Variants in HMBOX1 observed in about 807,000 individuals in gnomAD.
HMBOX1 encodes homeobox-containing protein 1.
A neutral mutation model predicts 54.5 loss-of-function variants in HMBOX1; 14 were observed. The ratio of observed to expected loss-of-function variants is 0.26; its 90% CI spans 0.17 to 0.40. The LOEUF (loss-of-function observed/expected upper bound fraction) is 0.40. Among genes scored for constraint, HMBOX1 ranks in the 10% least tolerant of loss-of-function variants. The pLI is 1.00. For missense variants in HMBOX1, 332 were observed against 514.4 expected (o/e 0.65, Z 3.43); for synonymous variants, 160 against 181.0 (o/e 0.88, Z 0.93).
At chr8:28,953,846 G>T (rs1439418906) in intron 1 of HMBOX1, among the ~76,000 whole-genome samples, 1 of 152,070 alleles carries the variant, frequency 6.6e-6, no homozygotes, top group African/African-American at 2.4e-5. Context: ...TTACATGTTT[G>T]CAAATTTTCA....
At chr8:28,999,149 A>C (rs1311620308) in intron 4 of HMBOX1, among the ~76,000 whole-genome samples, 1 of 152,148 alleles carries the variant, frequency 6.6e-6, no homozygotes, top group Non-Finnish European at 1.5e-5. Context: ...ACCTGCCTTT[A>C]GTATTTCTTA....
At chr8:28,955,309 G>A (rs1490562725) in intron 1 of HMBOX1, among the ~76,000 whole-genome samples, 5 of 150,540 alleles carry the variant, frequency 3.3e-5, no homozygotes, top group East Asian at 2.0e-4. Flanking sequence ...TATCCTATAC[G>A]CACACCCATT....
intron 1 of HMBOX1, among the ~76,000 whole-genome samples, chr8:28,927,275 C>T (rs1818683190): frequency 6.6e-6 from 1 of 152,062 alleles, no homozygotes; most frequent in South Asian, 2.1e-4. Context: ...TGTGTATCCA[C>T]AAAAATTAAA....
At chr8:29,013,424 G>A (rs751597236) in intron 5 of HMBOX1, among the ~76,000 whole-genome samples, 1 of 152,190 alleles carries the variant, frequency 6.6e-6, no homozygotes, top group Non-Finnish European at 1.5e-5. Context: ...ATGAGCCACC[G>A]CACCCAGCGG....
chr8:28,915,416 G>T (rs1301268309), intron 1 of HMBOX1, among the ~76,000 whole-genome samples: 1 of 151,756 alleles, frequency 6.6e-6, no homozygotes, highest in African/African-American at 2.4e-5. Context: ...AATTAGCCGG[G>T]CATGGTGGCA....
At chr8:28,973,052 T>G (rs1827689015) in intron 3 of HMBOX1, among the ~76,000 whole-genome samples, 2 of 152,208 alleles carry the variant, frequency 1.3e-5, no homozygotes, top group Non-Finnish European at 2.9e-5. Flanking sequence ...CCCTTCTGGA[T>G]CTCTCTGGTT....
chr8:29,005,146 ATAAT>A (rs557494666), intron 4 of HMBOX1, among the ~76,000 whole-genome samples: 116 of 152,232 alleles, frequency 7.6e-4, no homozygotes, highest in Non-Finnish European at 1.5e-3. Flanking sequence ...TATTAAAGTA[ATAAT>A]TATGCATAGA....
chr8:28,892,899 A>G (rs1175892439), intron 1 of HMBOX1, among the ~76,000 whole-genome samples: 1 of 152,224 alleles, frequency 6.6e-6, no homozygotes, highest in African/African-American at 2.4e-5. Flanking sequence ...GAAAAATCCT[A>G]CGTAACTACT....
At chr8:28,919,634 C>T (rs898137125) in intron 1 of HMBOX1, among the ~76,000 whole-genome samples, 2 of 152,070 alleles carry the variant, frequency 1.3e-5, no homozygotes, top group African/African-American at 4.8e-5. Flanking sequence ...TATGGAGGGC[C>T]AACTGTATAG....
intron 1 of HMBOX1, among the ~76,000 whole-genome samples, chr8:28,962,807 T>C (rs1345741757): frequency 6.6e-6 from 1 of 152,204 alleles, no homozygotes; most frequent in Non-Finnish European, 1.5e-5. Flanking sequence ...TTTTGGTCTT[T>C]TTTTTTGTAT....
At chr8:28,977,071 T>C (rs1356740397) in intron 3 of HMBOX1, among the ~76,000 whole-genome samples, 1 of 152,176 alleles carries the variant, frequency 6.6e-6, no homozygotes, top group East Asian at 1.9e-4. Flanking sequence ...AAATGTGAAT[T>C]GCTACTGTTT....
At chr8:28,927,464 C>T (rs1818729670) in intron 1 of HMBOX1, among the ~76,000 whole-genome samples, 1 of 152,084 alleles carries the variant, frequency 6.6e-6, no homozygotes, top group Non-Finnish European at 1.5e-5. Context: ...TATCAGGCTA[C>T]TTCCACTCAT....
intron 5 of HMBOX1, among the ~76,000 whole-genome samples, chr8:29,011,489 G>C (rs2132871485): frequency 6.6e-6 from 1 of 152,298 alleles, no homozygotes; most frequent in South Asian, 2.1e-4. Context: ...CTGTTATTCT[G>C]ATGGGGATTG....
At chr8:28,951,795 A>G (rs1429528342) in intron 1 of HMBOX1, among the ~76,000 whole-genome samples, 1 of 152,240 alleles carries the variant, frequency 6.6e-6, no homozygotes, top group African/African-American at 2.4e-5. Flanking sequence ...GGCTCTCTGC[A>G]GGAGTTTTGT....
chr8:28,901,671 A>G (rs1056991901), intron 1 of HMBOX1, among the ~76,000 whole-genome samples: 3 of 152,162 alleles, frequency 2.0e-5, no homozygotes, highest in Non-Finnish European at 4.4e-5. Flanking sequence ...GTCATTTAAG[A>G]GGTTACTATA....
chr8:28,910,653 G>A (rs1301067872), intron 1 of HMBOX1, among the ~76,000 whole-genome samples: 1 of 151,984 alleles, frequency 6.6e-6, no homozygotes, highest in African/African-American at 2.4e-5. Context: ...TGTGCTTATT[G>A]GCAATTCATA....
chr8:28,986,771 T>G (rs1008667626), intron 4 of HMBOX1, among the ~76,000 whole-genome samples: 2 of 152,188 alleles, frequency 1.3e-5, no homozygotes, highest in African/African-American at 4.8e-5. Context: ...TTCAAAAAAT[T>G]CTTACTTTTT....
At chr8:29,009,498 C>T (rs1354091820) in intron 5 of HMBOX1, 1 of 734,542 alleles carries the variant, frequency 1.4e-6, no homozygotes, top group Non-Finnish European at 1.6e-6. Flanking sequence ...TCTTCAACTA[C>T]ATAACTACGT....
At chr8:28,917,355 G>C (rs1816746948) in intron 1 of HMBOX1, among the ~76,000 whole-genome samples, 1 of 151,990 alleles carries the variant, frequency 6.6e-6, no homozygotes, top group African/African-American at 2.4e-5. Context: ...TGGATTGTTA[G>C]TTCATTGTTA....
Sources: gnomAD v4.1 joint callset for allele counts (sites outside exome capture counted in the v4.1 genomes callset) on GRCh38, gnomAD v4.1.1 for gene constraint, MANE v1.5 for transcripts, NCBI Gene and HGNC (gene_info 2026-07-23, HGNC 2026-07-21) for gene names.